The following GON4L variants were observed in gnomAD, a reference collection of about 807,000 sequenced individuals.
The protein encoded by GON4L is GON-4-like protein.
GON4L carries 87 observed loss-of-function variants against 211.8 expected under a neutral mutation model. The ratio of observed to expected loss-of-function variants is 0.41; its 90% CI spans 0.35 to 0.49. GON4L has a LOEUF of 0.49. Ranked by LOEUF, GON4L falls within the 20% of genes least tolerant of loss-of-function variation. The pLI is 0.15. For missense variants in GON4L, 2,155 were observed against 2,659.5 expected (o/e 0.81, Z 4.17); for synonymous variants, 875 against 962.6 (o/e 0.91, Z 1.68).
chr1:155,748,156 C>T (rs1265945340), downstream of GON4L: 71 of 1,557,280 alleles, frequency 4.6e-5, no homozygotes, highest in Admixed American at 8.2e-4. Flanking sequence ...GTTCTGACTG[C>T]GGCAGGCTAC....
intron 11 of GON4L, among the ~76,000 whole-genome samples, chr1:155,802,314 G>C (rs1057393831): frequency 8.0e-6 from 1 of 124,842 alleles, no homozygotes; most frequent in African/African-American, 3.3e-5. Context: ...ATTTTCCTTG[G>C]GGGGGGGGAA....
At chr1:155,776,624 C>T (rs866571662) in intron 15 of GON4L, 143 bp from the exon 16 acceptor site, 8 of 739,754 alleles carry the variant, frequency 1.1e-5, no homozygotes, top group South Asian at 6.1e-5. Context: ...AATCATGGCT[C>T]CACGCCCTCT....
chr1:155,823,377 T>C (rs1668901786), intron 3 of GON4L, among the ~76,000 whole-genome samples: 1 of 152,198 alleles, frequency 6.6e-6, no homozygotes, highest in African/African-American at 2.4e-5. Flanking sequence ...ATTCAATATA[T>C]GAAAAAACTC....
At chr1:155,847,277 T>C (rs1384370844) in intron 2 of GON4L, among the ~76,000 whole-genome samples, 1 of 151,750 alleles carries the variant, frequency 6.6e-6, no homozygotes, top group African/African-American at 2.4e-5. Context: ...TTTTAAAAAA[T>C]AAAAACAGGC....
chr1:155,849,786 A>AC (rs1403251546), intron 2 of GON4L, among the ~76,000 whole-genome samples: 1 of 150,568 alleles, frequency 6.6e-6, no homozygotes, highest in Admixed American at 6.6e-5. Context: ...AAAAAAAAAA[A>AC]AAAAAAAAAG....
Position 155,839,732 on chromosome 1 carries a change from G to A in GON4L, c.506-12704C>T, listed in dbSNP as rs536783243. On this transcript the variant is annotated intron_variant, in intron 2 of 31. Coordinates refer to ENST00000368331, the MANE Select transcript of GON4L (RefSeq NM_001282860.2). ...CATACATGGTCTGTGCAGGTCATAA[G>A]ATTTATAAAGGAGAATTTATAAAAA... Among the ~76,000 whole-genome samples, 18 of 151,672 alleles carry A rather than the reference G, an allele frequency of 1.2e-4. No individual in the cohort carries two copies. The South Asian group carries it at 1.3e-3, about 11-fold the overall frequency.
At chr1:155,805,210 T>C in intron 10 of GON4L, 69 bp from the exon 11 acceptor site, 1 of 1,032,444 alleles carries the variant, frequency 9.7e-7, no homozygotes, top group East Asian at 2.4e-5. Flanking sequence ...CTCCTTTTCT[T>C]CTCATCTTAG....
chr1:155,799,206 G>A (rs530163795), intron 11 of GON4L, among the ~76,000 whole-genome samples: 6 of 152,282 alleles, frequency 3.9e-5, no homozygotes, highest in Non-Finnish European at 7.3e-5. Context: ...AGGCCAAGGC[G>A]GGCGGATCAC....
At chr1:155,768,868 G>A (rs1446331643) in intron 19 of GON4L, among the ~76,000 whole-genome samples, 2 of 152,166 alleles carry the variant, frequency 1.3e-5, no homozygotes, top group Admixed American at 6.5e-5. Flanking sequence ...AGTTTCATCC[G>A]TGGTGCTAAG....
chr1:155,787,146 G>A (rs1172323832), intron 12 of GON4L, among the ~76,000 whole-genome samples: 4 of 151,874 alleles, frequency 2.6e-5, no homozygotes, highest in Non-Finnish European at 4.4e-5. Flanking sequence ...TCCTGACCTC[G>A]TGATCCACCC....
chr1:155,788,053 G>A (rs1425984189), intron 12 of GON4L, among the ~76,000 whole-genome samples: 3 of 151,878 alleles, frequency 2.0e-5, no homozygotes, highest in Admixed American at 6.6e-5. Flanking sequence ...GCGCGGTGGC[G>A]CGGTCTCAGC....
At chr1:155,791,138 TGTAATCCCAGCTACTCA>T (rs996675357) in intron 12 of GON4L, among the ~76,000 whole-genome samples, 1 of 151,984 alleles carries the variant, frequency 6.6e-6, no homozygotes, top group Non-Finnish European at 1.5e-5. Context: ...GGCAGGCGCC[TGTAATCCCAGCTACTCA>T]GGAGGCTGAG....
chr1:155,753,340 A>C lies in GON4L; in HGVS notation c.5706T>G (p.Ser1902Arg), dbSNP rs1571610860. ...CAGCTTCCTTAGCACCAGGCATAGG[A>C]CTAGCCTCTCGGTGGGGGCTGCTGC... ...LVGSSPHREASPMPGAKEAGQ... is the reference protein window; with the variant it reads ...LVGSSPHREARPMPGAKEAGQ... Residue 1902 changes from serine (S) to arginine (R), a missense_variant, in exon 29 of 32, where the codon AGT becomes AGG. Coordinates refer to ENST00000368331, the MANE Select transcript of GON4L (RefSeq NM_001282860.2). 6.2e-7 allele frequency: 1 copy of C among 1,611,692 alleles called. No individual in the cohort carries two copies. Among genetic ancestry groups the C allele is most frequent in the Admixed American group, 1.7e-5 (1 of 59,804 alleles).
intron 2 of GON4L, among the ~76,000 whole-genome samples, chr1:155,844,325 T>C (rs1671034949): frequency 6.6e-6 from 1 of 152,224 alleles, no homozygotes; most frequent in Non-Finnish European, 1.5e-5. Context: ...TCTGCACTGT[T>C]ATCAATAAGA....
Position 155,766,407 on chromosome 1 carries a change from T to C in GON4L, c.3066A>G (p.Pro1022=), listed in dbSNP as rs1369437075. 7.4e-6 allele frequency: 12 copies of C among 1,614,008 alleles called. No homozygotes were observed. The Admixed American group carries it at 2.0e-4, about 27-fold the overall frequency. ...LQPSFNPGKT[P]ARSTHSEAPP... Reference sequence around the variant, plus strand: ...GGGCTTCTGAATGAGTTGATCGGGCTGGTGTTTTCCCAGGGTTGAAGCTGG... The same window carrying C: ...GGGCTTCTGAATGAGTTGATCGGGCCGGTGTTTTCCCAGGGTTGAAGCTGG... Residue 1022 remains proline (P), a synonymous_variant, in exon 21 of 32, where the codon CCA becomes CCG. Transcript: ENST00000368331.
At chr1:155,839,173 C>T (rs1273166584) in intron 2 of GON4L, among the ~76,000 whole-genome samples, 2 of 151,744 alleles carry the variant, frequency 1.3e-5, no homozygotes, top group Non-Finnish European at 2.9e-5. Flanking sequence ...AGAAAGGAAC[C>T]AGTAAGTAGG....
intron 2 of GON4L, among the ~76,000 whole-genome samples, chr1:155,843,822 A>G (rs1377778751): frequency 6.6e-6 from 1 of 152,182 alleles, no homozygotes; most frequent in East Asian, 1.9e-4. Context: ...ATCTCTATAG[A>G]CCCAGTTTGG....
downstream of GON4L, chr1:155,745,735 C>T: frequency 1.8e-6 from 2 of 1,097,976 alleles, no homozygotes; most frequent in South Asian, 3.0e-5. Context: ...AATAAGTCGC[C>T]AGTATAACAC....
At chr1:155,779,009 G>C (rs1025927119) in intron 14 of GON4L, among the ~76,000 whole-genome samples, 1 of 151,842 alleles carries the variant, frequency 6.6e-6, no homozygotes, top group Admixed American at 6.6e-5. Flanking sequence ...GCTCACGCCT[G>C]TAATCCCAGC....
Sources: allele counts gnomAD v4.1 joint callset (sites outside exome capture counted in the v4.1 genomes callset), GRCh38; gene constraint gnomAD v4.1.1; transcripts MANE v1.5; gene names NCBI Gene and HGNC (gene_info 2026-07-23, HGNC 2026-07-21).